The following RBFOX1 variants were observed in gnomAD, a reference collection of about 807,000 sequenced individuals.
RBFOX1 encodes RNA binding fox-1 homolog 1.
RBFOX1 carries 8 observed loss-of-function variants against 57.7 expected under a neutral mutation model. The ratio of observed to expected loss-of-function variants is 0.14; its 90% confidence interval spans 0.08 to 0.25. The LOEUF is 0.25. RBFOX1 is among the 10% of genes least tolerant of loss of function. RBFOX1 has a pLI of 1.00. For missense variants in RBFOX1, 611 were observed against 548.5 expected (o/e 1.11, Z -1.14); for synonymous variants, 326 against 222.4 (o/e 1.47, Z -4.15).
chr16:6,520,453 G>T (rs886212921), intron 2 of RBFOX1, among the ~76,000 whole-genome samples: 11 of 152,082 alleles, frequency 7.2e-5, no homozygotes, highest in Admixed American at 6.6e-4. Flanking sequence ...TGTCTGAAGG[G>T]CCTCATTTAA....
At chr16:7,017,997 T>C (rs988294660) in intron 3 of RBFOX1, among the ~76,000 whole-genome samples, 3 of 152,170 alleles carry the variant, frequency 2.0e-5, no homozygotes, top group Non-Finnish European at 4.4e-5. Flanking sequence ...CTTCAGGGAA[T>C]GGAATTTTAC....
At chr16:7,282,537 C>G (rs1178040987) in intron 4 of RBFOX1, among the ~76,000 whole-genome samples, 1 of 151,966 alleles carries the variant, frequency 6.6e-6, no homozygotes, top group African/African-American at 2.4e-5. Flanking sequence ...GCCTTCTGCT[C>G]TCTGTTCTCT....
intron 2 of RBFOX1, among the ~76,000 whole-genome samples, chr16:6,600,212 A>T (rs2097834479): frequency 1.3e-5 from 2 of 152,148 alleles, no homozygotes; most frequent in African/African-American, 4.8e-5. Flanking sequence ...CCTTGAAATT[A>T]ATGGTGGTGC....
At chr16:6,114,702 A>G (rs549326442) in intron 1 of RBFOX1, among the ~76,000 whole-genome samples, 2 of 152,258 alleles carry the variant, frequency 1.3e-5, no homozygotes, top group East Asian at 1.9e-4. Flanking sequence ...GTTAGAATGT[A>G]TTAAGGTTTA....
chr16:6,958,989 A>G (rs1477395770), intron 3 of RBFOX1, among the ~76,000 whole-genome samples: 1 of 152,174 alleles, frequency 6.6e-6, no homozygotes, highest in Non-Finnish European at 1.5e-5. Flanking sequence ...AAGATTTTGA[A>G]TTAATTATAA....
At chr16:6,884,494 C>T (rs751443881) in intron 3 of RBFOX1, among the ~76,000 whole-genome samples, 2 of 152,178 alleles carry the variant, frequency 1.3e-5, no homozygotes, top group Non-Finnish European at 2.9e-5. Context: ...AAGTACCTAC[C>T]ATTTGCAAGG....
chr16:5,932,156 A>G (rs1286708498), intron 4 of RBFOX1, among the ~76,000 whole-genome samples: 3 of 152,116 alleles, frequency 2.0e-5, no homozygotes, highest in Admixed American at 1.3e-4. Context: ...GCTGGGATTG[A>G]CTTAATCACA....
At chr16:7,399,888 G>A (rs1037373072) in intron 4 of RBFOX1, among the ~76,000 whole-genome samples, 1 of 152,178 alleles carries the variant, frequency 6.6e-6, no homozygotes, top group Non-Finnish European at 1.5e-5. Flanking sequence ...TGGAGAAACA[G>A]TTCATTTTAA....
chr16:7,210,116 G>T (rs1425694843), intron 4 of RBFOX1, among the ~76,000 whole-genome samples: 1 of 152,182 alleles, frequency 6.6e-6, no homozygotes, highest in African/African-American at 2.4e-5. Context: ...TTGTCAACCT[G>T]CCCTGCAATT....
chr16:7,401,851 TAA>T, intron 4 of RBFOX1, among the ~76,000 whole-genome samples: 1 of 152,298 alleles, frequency 6.6e-6, no homozygotes, highest in East Asian at 1.9e-4. Context: ...CCAAATTGCA[TAA>T]AGGAAACTTG....
chr16:6,365,968 C>T (rs1482952864), intron 2 of RBFOX1, among the ~76,000 whole-genome samples: 4 of 151,452 alleles, frequency 2.6e-5, no homozygotes, highest in East Asian at 3.9e-4. Flanking sequence ...CTTTCCCCTC[C>T]TTCTCTGGGT....
At chr16:7,425,147 T>G (rs983828251) in intron 4 of RBFOX1, among the ~76,000 whole-genome samples, 28 of 152,200 alleles carry the variant, frequency 1.8e-4, no homozygotes, top group African/African-American at 6.8e-4. Context: ...TTTAGACATT[T>G]AGAGAAAAAA....
intron 1 of RBFOX1, among the ~76,000 whole-genome samples, chr16:5,423,017 A>G (rs2067398797): frequency 1.1e-5 from 1 of 90,416 alleles, no homozygotes; most frequent in Admixed American, 1.3e-4. Flanking sequence ...AGGAGAAAGG[A>G]GAGGGAGGAA....
Position 7,390,121 on chromosome 16 carries a change from A to G in RBFOX1, c.28-128026A>G, listed in dbSNP as rs184692039. Among the ~76,000 whole-genome samples the G allele has an allele frequency of 2.4e-4, 37 of 152,250 alleles. No individual in the cohort carries two copies. In the East Asian group the frequency reaches 2.7e-3, roughly 11 times the overall value. On this transcript the variant is annotated intron_variant, in intron 4 of 15. Transcript: ENST00000550418. ...AACAGAGCGAGAAGGGAGAGGGGCT[A>G]CATACTTTCAAACAAACAGCTCTTG...
At chr16:5,805,468 T>G (rs1355471299) in intron 3 of RBFOX1, among the ~76,000 whole-genome samples, 1 of 152,170 alleles carries the variant, frequency 6.6e-6, no homozygotes, top group Non-Finnish European at 1.5e-5. Flanking sequence ...AGAATTGTAT[T>G]TCAGGGTTGG....
At chr16:6,265,117 T>A (rs2074310211) in intron 1 of RBFOX1, among the ~76,000 whole-genome samples, 2 of 152,120 alleles carry the variant, frequency 1.3e-5, no homozygotes, top group Admixed American at 6.5e-5. Flanking sequence ...ACGGAGACAG[T>A]TATCTGGGGC....
At chr16:5,249,304 C>A (rs1465910514) in intron 1 of RBFOX1, among the ~76,000 whole-genome samples, 1 of 152,136 alleles carries the variant, frequency 6.6e-6, no homozygotes. Context: ...TTTCCTCCTG[C>A]CACCCCTGAC....
At chr16:7,275,498 A>T (rs894108650) in intron 4 of RBFOX1, among the ~76,000 whole-genome samples, 1 of 152,232 alleles carries the variant, frequency 6.6e-6, no homozygotes, top group Non-Finnish European at 1.5e-5. Flanking sequence ...ACATGCCTGC[A>T]TATATGTGCT....
chr16:6,721,380 T>C (rs1200333311), intron 3 of RBFOX1, among the ~76,000 whole-genome samples: 1 of 152,004 alleles, frequency 6.6e-6, no homozygotes, highest in East Asian at 1.9e-4. Context: ...GAGGCGGAGG[T>C]TACAGTGAGC....
Sources: gnomAD v4.1 joint callset for allele counts (sites outside exome capture counted in the v4.1 genomes callset) on GRCh38, gnomAD v4.1.1 for gene constraint, MANE v1.5 for transcripts, NCBI Gene and HGNC (gene_info 2026-07-23, HGNC 2026-07-21) for gene names.